Variants in KIAA1217 observed in about 807,000 individuals in gnomAD.
KIAA1217 encodes the protein KIAA1217, also known as sickle tail protein homolog.
A neutral mutation model predicts 163.9 loss-of-function variants in KIAA1217; 88 were observed. The ratio of observed to expected loss-of-function variants is 0.54; its 90% CI spans 0.45 to 0.64. The LOEUF is 0.64. Among genes scored for constraint, KIAA1217 ranks in the 30% least tolerant of loss-of-function variants. The pLI is 0.00. For synonymous variants in KIAA1217, 903 were observed against 923.1 expected (o/e 0.98, Z 0.39); for missense variants, 2,372 against 2,475.0 (o/e 0.96, Z 0.88).
In KIAA1217 at chr10:24,520,222, TC is replaced by T; in HGVS notation, c.2278del (p.Gln760LysfsTer6). The stretch of plus-strand genomic sequence containing the variant: ...TGGAAGACGGGGCTTTCCTCCTGCG[TC>T]AAGTGGGAGAGGCTGTAGCTACCCT... ...DVEDGAFLLRQVGEAVATLKG... is the reference protein window; with the variant it reads ...DVEDGAFLLRXVGEAVATLKG... On this transcript the variant is annotated frameshift_variant, in exon 11 of 21. Coordinates refer to ENST00000376454, the MANE Select transcript of KIAA1217 (RefSeq NM_019590.5). LOFTEE classifies it high-confidence loss of function. 6.2e-7 allele frequency: 1 copy of T among 1,614,064 alleles called. No individual in the cohort carries two copies. Among genetic ancestry groups the T allele is most frequent in the Non-Finnish European group, 8.5e-7 (1 of 1,179,986 alleles).
intron 1 of KIAA1217, among the ~76,000 whole-genome samples, chr10:23,805,467 C>A (rs1022728511): frequency 6.6e-6 from 1 of 151,936 alleles, no homozygotes; most frequent in African/African-American, 2.4e-5. Context: ...TAAGTGGAAG[C>A]TAACTGATGA....
intron 2 of KIAA1217, among the ~76,000 whole-genome samples, chr10:24,276,489 A>G (rs2077300529): frequency 6.6e-6 from 1 of 152,198 alleles, no homozygotes; most frequent in African/African-American, 2.4e-5. Context: ...TTTGTCACCC[A>G]GGCTGGAGTG....
chr10:23,725,017 C>T (rs1461347102), intron 1 of KIAA1217, among the ~76,000 whole-genome samples: 1 of 152,132 alleles, frequency 6.6e-6, no homozygotes, highest in African/African-American at 2.4e-5. Flanking sequence ...GGGAGCCTCC[C>T]TACACCCAAA....
intron 2 of KIAA1217, among the ~76,000 whole-genome samples, chr10:24,277,088 C>T (rs1453513239): frequency 6.6e-6 from 1 of 152,170 alleles, no homozygotes; most frequent in East Asian, 1.9e-4. Context: ...TTAAACCAAT[C>T]TTAAAATGTT....
chr10:24,515,637 C>G (rs908711152), intron 10 of KIAA1217, among the ~76,000 whole-genome samples: 2 of 152,108 alleles, frequency 1.3e-5, no homozygotes, highest in Non-Finnish European at 2.9e-5. Context: ...AGTATAGCCC[C>G]GAACAGGGGA....
At chr10:23,993,620 A>G (rs895208145) in intron 1 of KIAA1217, among the ~76,000 whole-genome samples, 29 of 129,646 alleles carry the variant, frequency 2.2e-4, no homozygotes, top group Admixed American at 1.9e-3. Flanking sequence ...CAGTGGCATG[A>G]TCTCAGCTCA....
chr10:24,072,311 G>A (rs2061215695), intron 2 of KIAA1217, among the ~76,000 whole-genome samples: 1 of 151,974 alleles, frequency 6.6e-6, no homozygotes, highest in South Asian at 2.1e-4. Context: ...TTATAAGCAT[G>A]AACCACCACA....
At chr10:24,337,590 T>C (rs571771086) in intron 2 of KIAA1217, among the ~76,000 whole-genome samples, 4 of 134,408 alleles carry the variant, frequency 3.0e-5, no homozygotes, top group South Asian at 2.4e-4. Flanking sequence ...TTGTGTGGTT[T>C]TTTTCTTTTC....
At chr10:24,233,533 T>C (rs2071749451) in intron 2 of KIAA1217, among the ~76,000 whole-genome samples, 1 of 152,182 alleles carries the variant, frequency 6.6e-6, no homozygotes, top group South Asian at 2.1e-4. Context: ...ATGATTTGAG[T>C]ATGGGATGAT....
At chr10:24,521,654 C>T (rs2071304817) in intron 11 of KIAA1217, 128 bp from the exon 12 acceptor site, 11 of 1,132,332 alleles carry the variant, frequency 9.7e-6, no homozygotes, top group South Asian at 8.8e-5. Context: ...CCCACTGCCA[C>T]CTGAAGATGT....
intron 2 of KIAA1217, among the ~76,000 whole-genome samples, chr10:24,229,139 A>T (rs1051450614): frequency 6.6e-6 from 1 of 152,192 alleles, no homozygotes. Flanking sequence ...ATTTACGTAC[A>T]TGCATCTATA....
intron 3 of KIAA1217, among the ~76,000 whole-genome samples, chr10:24,430,543 T>C (rs1215090586): frequency 6.6e-6 from 1 of 152,222 alleles, no homozygotes; most frequent in Non-Finnish European, 1.5e-5. Context: ...TGCATTGCAA[T>C]ATATAATGAA....
intron 2 of KIAA1217, among the ~76,000 whole-genome samples, chr10:24,093,269 CCA>C (rs1028882111): frequency 1.1e-4 from 16 of 151,836 alleles, no homozygotes; most frequent in Admixed American, 1.0e-3. Flanking sequence ...CTGCTGGGTT[CCA>C]GTTATTCTCC....
At chr10:23,758,209 A>G (rs545610173) in intron 1 of KIAA1217, among the ~76,000 whole-genome samples, 4 of 152,050 alleles carry the variant, frequency 2.6e-5, no homozygotes. Flanking sequence ...TAGGTCTTTG[A>G]TTCATTTTAA....
At chr10:23,807,703 A>G (rs981180843) in intron 1 of KIAA1217, among the ~76,000 whole-genome samples, 2 of 152,250 alleles carry the variant, frequency 1.3e-5, no homozygotes, top group Non-Finnish European at 2.9e-5. Context: ...ACATCAAAAA[A>G]GTATAAAAAT....
intron 2 of KIAA1217, among the ~76,000 whole-genome samples, chr10:24,305,037 T>G (rs1436842674): frequency 6.6e-6 from 1 of 152,164 alleles, no homozygotes; most frequent in Non-Finnish European, 1.5e-5. Flanking sequence ...GGAGCCTGAT[T>G]AGAAGGTCCT....
rs185978314 is a variant in KIAA1217, at chr10:24,477,091, G to C, written c.1679+3031G>C. On this transcript the variant is annotated intron_variant, in intron 6 of 20. Coordinates refer to ENST00000376454, the MANE Select transcript of KIAA1217 (RefSeq NM_019590.5). ...TTCTTACATGGGACAAAGTGACAAG[G>C]GTGAAGCTCATGCCATACTTCCTCC... 9.9e-5 allele frequency among the ~76,000 whole-genome samples: 15 copies of C among 152,262 alleles called. No homozygotes were observed. The East Asian group carries it at 2.9e-3, about 29-fold the overall frequency.
intron 1 of KIAA1217, among the ~76,000 whole-genome samples, chr10:23,815,563 G>T (rs1837277268): frequency 6.6e-6 from 1 of 152,156 alleles, no homozygotes; most frequent in African/African-American, 2.4e-5. Flanking sequence ...AGAATGACGT[G>T]AACCTGGGAG....
At chr10:24,302,113 A>T (rs2041431112) in intron 2 of KIAA1217, among the ~76,000 whole-genome samples, 1 of 152,202 alleles carries the variant, frequency 6.6e-6, no homozygotes, top group African/African-American at 2.4e-5. Context: ...ACTTACAGGG[A>T]TGGTCCAGTG....
Sources: allele counts gnomAD v4.1 joint callset (sites outside exome capture counted in the v4.1 genomes callset), GRCh38; gene constraint gnomAD v4.1.1; transcripts MANE v1.5; gene names NCBI Gene and HGNC (gene_info 2026-07-23, HGNC 2026-07-21).